The following GLIS3 variants were observed in gnomAD, a reference collection of about 807,000 sequenced individuals.
The protein encoded by GLIS3 is GLIS family zinc finger 3, also known as zinc finger protein GLIS3.
GLIS3 carries 53 observed loss-of-function variants against 78.6 expected under a neutral mutation model. The ratio of observed to expected loss-of-function variants is 0.67; its 90% confidence interval spans 0.54 to 0.85. The LOEUF (loss-of-function observed/expected upper bound fraction) is 0.85, where lower values mean the gene tolerates loss of function less well. GLIS3 is among the 40% of genes least tolerant of loss of function. The pLI is 0.00. For synonymous variants in GLIS3, 684 were observed against 509.9 expected, an observed-to-expected ratio of 1.34 and a Z score of -4.60; for missense variants, 1,703 against 1,231.1, an observed-to-expected ratio of 1.38 and a Z score of -5.74.
At chr9:4,254,839 C>CAAAAAAAA (rs751442404) in intron 2 of GLIS3, among the ~76,000 whole-genome samples, 6 of 70,022 alleles carry the variant, frequency 8.6e-5, no homozygotes, top group African/African-American at 1.1e-4. Flanking sequence ...GACTACGTCT[C>CAAAAAAAA]AAAAAAAAAA....
rs112960912 is a variant in GLIS3, at chr9:3,866,556, G to C, written c.2298-10372C>G. Reference sequence around the variant, plus strand: ...AATTTGAGCAGACATCACAAAGGAAGGCACAGGTCATGTGAGGTTCTGATG... The same window carrying C: ...AATTTGAGCAGACATCACAAAGGAACGCACAGGTCATGTGAGGTTCTGATG... On this transcript the variant is annotated intron_variant, in intron 8 of 10. Coordinates refer to ENST00000381971, the MANE Select transcript of GLIS3 (RefSeq NM_001042413.2). Among the ~76,000 whole-genome samples, 451 of 152,302 alleles carry C rather than the reference G, an allele frequency of 3.0e-3. 4 individuals are homozygous for C. The highest frequency in any genetic ancestry group is 0.01 in the African/African-American group (427 of 41,562).
chr9:4,212,206 G>T (rs1416815535), intron 2 of GLIS3, among the ~76,000 whole-genome samples: 4 of 152,130 alleles, frequency 2.6e-5, no homozygotes, highest in Non-Finnish European at 4.4e-5. Flanking sequence ...AATAACAAGG[G>T]TCATTGATCT....
rs1396065483 is a variant in GLIS3 at position 3,827,650 on chromosome 9, A to G, written c.*622T>C. The G allele has an allele frequency of 6.5e-6, 1 of 155,020 alleles. No individual in the cohort carries two copies. Among genetic ancestry groups the G allele is most frequent in the East Asian group, 1.9e-4 (1 of 5,230 alleles). The allele number at this position is 155,020 out of a possible 1,614,324, so 9.6% of individuals were successfully genotyped here. A position where few individuals can be genotyped will look rare whatever the true frequency, so the allele number is the denominator to read the frequency against. On this transcript the variant is annotated 3_prime_UTR_variant, in exon 11 of 11. Transcript: ENST00000381971. ...AATACGTATAAATAACTAAGTCTTT[A>G]AAATGCAAAAACAAGGATAGGCTGC...
intron 2 of GLIS3, among the ~76,000 whole-genome samples, chr9:4,154,084 G>C (rs1202316127): frequency 6.6e-6 from 1 of 152,216 alleles, no homozygotes; most frequent in Non-Finnish European, 1.5e-5. Flanking sequence ...CTCTGCACAT[G>C]ACTTGAGCTT....
chr9:3,965,434 T>C (rs1479247208), intron 4 of GLIS3, among the ~76,000 whole-genome samples: 1 of 152,150 alleles, frequency 6.6e-6, no homozygotes, highest in Non-Finnish European at 1.5e-5. Flanking sequence ...CCTCAGGTGA[T>C]CTGCCCGCCT....
At chr9:4,361,482 C>A in the GLIS3 span, among the ~76,000 whole-genome samples, 1 of 152,230 alleles carries the variant, frequency 6.6e-6, no homozygotes, top group African/African-American at 2.4e-5. Flanking sequence ...ATAGGGTTGA[C>A]CCCGTTCCCT....
At chr9:4,067,745 A>G (rs1175795629) in intron 4 of GLIS3, among the ~76,000 whole-genome samples, 1 of 152,118 alleles carries the variant, frequency 6.6e-6, no homozygotes, top group Non-Finnish European at 1.5e-5. Flanking sequence ...ATTAGATTAT[A>G]GGAGAGAAAA....
intron 4 of GLIS3, chr9:4,070,769 T>C (rs1209086114): frequency 6.6e-6 from 1 of 152,210 alleles, no homozygotes; most frequent in African/African-American, 2.4e-5. Flanking sequence ...TGCAATCAAC[T>C]AATCAATTAA....
At chr9:4,471,244 G>A in the GLIS3 span, among the ~76,000 whole-genome samples, 1 of 152,034 alleles carries the variant, frequency 6.6e-6, no homozygotes, top group Non-Finnish European at 1.5e-5. Flanking sequence ...TCACAGAATT[G>A]GAAAAAACTA....
the GLIS3 span, among the ~76,000 whole-genome samples, chr9:4,431,354 G>T: frequency 6.6e-6 from 1 of 152,144 alleles, no homozygotes; most frequent in East Asian, 1.9e-4. Context: ...CTACCTACTG[G>T]AAAAAATAAC....
intron 4 of GLIS3, among the ~76,000 whole-genome samples, chr9:3,981,327 A>C (rs1309589266): frequency 6.6e-6 from 1 of 152,210 alleles, no homozygotes; most frequent in South Asian, 2.1e-4. Flanking sequence ...AATTTTATAC[A>C]AAAGCTATTT....
intron 2 of GLIS3, among the ~76,000 whole-genome samples, chr9:4,130,981 C>T (rs925804884): frequency 6.6e-6 from 1 of 152,202 alleles, no homozygotes; most frequent in Non-Finnish European, 1.5e-5. Context: ...TAGGAGCCCA[C>T]CTCTTGCACC....
chr9:4,313,666 A>G (rs2130532310), intron 2 of GLIS3, among the ~76,000 whole-genome samples: 1 of 152,294 alleles, frequency 6.6e-6, no homozygotes, highest in Non-Finnish European at 1.5e-5. Context: ...TAGTTACTAG[A>G]GTCTCCAAAC....
chr9:4,295,221 G>A (rs900557671), intron 1 of GLIS3, among the ~76,000 whole-genome samples: 5 of 152,074 alleles, frequency 3.3e-5, no homozygotes, highest in African/African-American at 1.2e-4. Context: ...CCTCACGAAA[G>A]GACGGTGAAA....
chr9:4,429,290 G>A, the GLIS3 span, among the ~76,000 whole-genome samples: 27 of 151,784 alleles, frequency 1.8e-4, no homozygotes, highest in African/African-American at 6.3e-4. Flanking sequence ...ATGCCATTTG[G>A]CCCCTACCTC....
At chr9:4,386,495 T>C in the GLIS3 span, 11 of 152,308 alleles carry the variant, frequency 7.2e-5, no homozygotes, top group African/African-American at 2.4e-4. Flanking sequence ...AATTTTAGTA[T>C]ATGTGTTAAC....
intron 8 of GLIS3, among the ~76,000 whole-genome samples, chr9:3,870,637 T>G (rs1820912536): frequency 6.6e-6 from 1 of 152,112 alleles, no homozygotes; most frequent in Non-Finnish European, 1.5e-5. Flanking sequence ...GATAAAACCA[T>G]CAGGTCTCGT....
At chr9:4,277,402 G>A (rs1226696025) in intron 2 of GLIS3, among the ~76,000 whole-genome samples, 2 of 152,126 alleles carry the variant, frequency 1.3e-5, no homozygotes, top group East Asian at 3.8e-4. Context: ...AAATAAACAT[G>A]AAACTTGATG....
intron 4 of GLIS3, among the ~76,000 whole-genome samples, chr9:4,003,408 GA>G (rs779773403): frequency 7.0e-4 from 106 of 152,194 alleles, no homozygotes; most frequent in Non-Finnish European, 2.1e-4. Flanking sequence ...AGGAAGGAAG[GA>G]ATTTAAACCT....
Sources: allele counts gnomAD v4.1 joint callset (sites outside exome capture counted in the v4.1 genomes callset), GRCh38; gene constraint gnomAD v4.1.1; transcripts MANE v1.5; gene names NCBI Gene and HGNC (gene_info 2026-07-23, HGNC 2026-07-21).